Variants in SGK1 observed in about 807,000 individuals in gnomAD.
SGK1 encodes the protein serine/threonine-protein kinase Sgk1.
Under a neutral mutation model 64.2 loss-of-function variants are expected in SGK1, and 26 were observed. The observed-to-expected ratio is 0.40, with a 90% CI of 0.30 to 0.56. The LOEUF (loss-of-function observed/expected upper bound fraction) is 0.56. SGK1 is among the 20% of genes least tolerant of loss of function. SGK1 has a pLI of 0.38. For missense variants in SGK1, 519 were observed against 645.6 expected (o/e 0.80, Z 2.12); for synonymous variants, 265 against 239.7 (o/e 1.11, Z -0.98).
intron 1 of SGK1, chr6:134,297,987 A>G: frequency 2.4e-6 from 2 of 819,948 alleles, no homozygotes; most frequent in South Asian, 2.7e-5. Flanking sequence ...GTCCATGGAC[A>G]GCATCACAGA....
At chr6:134,218,436 T>C (rs1776023263) in intron 2 of SGK1, among the ~76,000 whole-genome samples, 2 of 91,254 alleles carry the variant, frequency 2.2e-5, no homozygotes, top group East Asian at 5.3e-4. Context: ...TTTCTTTTTT[T>C]CTTTTTTTTT....
chr6:134,275,994 CTGAGA>C (rs1281112643), intron 1 of SGK1, among the ~76,000 whole-genome samples: 1 of 152,144 alleles, frequency 6.6e-6, no homozygotes, highest in African/African-American at 2.4e-5. Flanking sequence ...TTCATAAGGA[CTGAGA>C]TATTATTTTC....
intron 1 of SGK1, among the ~76,000 whole-genome samples, chr6:134,289,168 C>A (rs1164509249): frequency 2.0e-5 from 3 of 152,196 alleles, no homozygotes; most frequent in East Asian, 3.8e-4. Context: ...ATACCTTTAG[C>A]CTTCATAGGG....
intron 2 of SGK1, among the ~76,000 whole-genome samples, chr6:134,221,804 C>T (rs954273824): frequency 6.6e-6 from 1 of 151,964 alleles, no homozygotes; most frequent in Non-Finnish European, 1.5e-5. Flanking sequence ...AGGTGTGGGC[C>T]ACCACACCTG....
intron 1 of SGK1, among the ~76,000 whole-genome samples, chr6:134,295,073 AT>A (rs200892107): frequency 0.024 from 3,669 of 150,880 alleles, 66 homozygotes; most frequent in East Asian, 0.077. Flanking sequence ...TGAATATGTA[AT>A]TTTTTTTTTC....
chr6:134,210,322 G>A (rs575238579), intron 2 of SGK1, among the ~76,000 whole-genome samples: 2 of 152,266 alleles, frequency 1.3e-5, no homozygotes, highest in South Asian at 2.1e-4. Flanking sequence ...AATATTGCAC[G>A]ATTCCGCTTA....
intron 1 of SGK1, chr6:134,298,291 A>T: frequency 6.4e-7 from 1 of 1,559,292 alleles, no homozygotes; most frequent in Non-Finnish European, 8.8e-7. Context: ...CATGTTGTCC[A>T]TGTTGCTCCA....
At chr6:134,180,514 G>T (rs1023179014) in intron 3 of SGK1, among the ~76,000 whole-genome samples, 2 of 152,122 alleles carry the variant, frequency 1.3e-5, no homozygotes, top group African/African-American at 4.8e-5. Context: ...TGATACATTG[G>T]TCTGGACAGA....
chr6:134,218,498 C>T (rs35560721), intron 2 of SGK1, among the ~76,000 whole-genome samples: 44,730 of 141,334 alleles, frequency 0.32, 8,696 homozygotes, highest in South Asian at 0.44. Flanking sequence ...CAGTGGTGAT[C>T]TTGGCTCACT....
intron 1 of SGK1, chr6:134,297,311 C>T: frequency 8.1e-7 from 1 of 1,234,582 alleles, no homozygotes. Context: ...GGTACACACG[C>T]AGCTATCGCG....
chr6:134,204,139 A>G lies in SGK1; in HGVS notation c.361+3217T>C, dbSNP rs183505373. On this transcript the variant is annotated intron_variant, in intron 3 of 13. Coordinates refer to ENST00000367858, the MANE Select transcript of SGK1 (RefSeq NM_001143676.3). ...AATACATAAAGCAAAAATTGACTGA[A>G]TTAAAAGAACCAAAAGACAATTCTA... 1.1e-3 allele frequency among the ~76,000 whole-genome samples: 160 copies of G among 152,032 alleles called. 1 individual carries two copies. Among genetic ancestry groups the G allele is most frequent in the African/African-American group, 3.7e-3 (154 of 41,500 alleles).
chr6:134,174,197 G>A, intron 4 of SGK1, 117 bp from the exon 5 acceptor site: 1 of 706,544 alleles, frequency 1.4e-6, no homozygotes, highest in South Asian at 1.8e-5. Flanking sequence ...TGTTTAAACT[G>A]AAAATACCCC....
chr6:134,239,653 T>C (rs1371909023), intron 2 of SGK1, among the ~76,000 whole-genome samples: 1 of 152,276 alleles, frequency 6.6e-6, no homozygotes, highest in South Asian at 2.1e-4. Flanking sequence ...ACAGCAGACA[T>C]TTGAAGGTGG....
chr6:134,174,352 T>A lies in SGK1; in HGVS notation c.437+159A>T, dbSNP rs190524673. ...TCAAGCCAAATCAGCAAATTAACTT[T>A]AATGTTTAAAATGTGTCAAATATAT... On this transcript the variant is annotated intron_variant, in intron 4 of 13. Transcript: ENST00000367858. 5.5e-3 allele frequency: 3,445 copies of A among 630,968 alleles called. 16 individuals are homozygous for A. The highest frequency in any genetic ancestry group is 9.4e-3 in the Middle Eastern group (22 of 2,340). The allele number at this position is 630,968 out of a possible 1,614,324, so 39.1% of individuals were successfully genotyped here. A position where few individuals can be genotyped will look rare whatever the true frequency, so the allele number is the denominator to read the frequency against.
chr6:134,277,187 T>G (rs1173924151), intron 1 of SGK1, among the ~76,000 whole-genome samples: 1 of 152,018 alleles, frequency 6.6e-6, no homozygotes, highest in African/African-American at 2.4e-5. Flanking sequence ...GCTGGTGTGG[T>G]AGTGGGTGCC....
chr6:134,177,701 CG>C, intron 3 of SGK1: 4 of 1,613,936 alleles, frequency 2.5e-6, no homozygotes, highest in Non-Finnish European at 3.4e-6. Context: ...TTTCATTCTT[CG>C]GGTTGCCCAA....
chr6:134,173,030 C>A lies in SGK1; in HGVS notation c.827G>T (p.Gly276Val), dbSNP rs369277962. ...TCTATCCCCCCTGCTCACCTCTCCA[C>A]CATTAATGTAGTCTAGGACAAAGTA... ...KLYFVLDYIN[G>V]GELFYHLQRE... The change falls in exon 8 of 14, where the codon GGT becomes GTT. Residue 276 changes from glycine to valine, a missense_variant. Gly to Val is a moderately radical substitution (Grantham distance 109). This residue lies in a region of SGK1 where 278 missense variants were observed against 408.7 expected (regional missense o/e 0.68). Coordinates refer to ENST00000367858, the MANE Select transcript of SGK1 (RefSeq NM_001143676.3). The A allele has an allele frequency of 6.2e-7, 1 of 1,613,148 alleles. No individual in the cohort carries two copies. The highest frequency in any genetic ancestry group is 8.5e-7 in the Non-Finnish European group (1 of 1,179,380).
intron 2 of SGK1, among the ~76,000 whole-genome samples, chr6:134,219,429 C>T (rs2114699881): frequency 6.6e-6 from 1 of 152,226 alleles, no homozygotes; most frequent in South Asian, 2.1e-4. Context: ...AGATTCTATG[C>T]CAGGCCAAGA....
At chr6:134,198,249 C>A (rs1775626858) in intron 3 of SGK1, among the ~76,000 whole-genome samples, 1 of 152,016 alleles carries the variant, frequency 6.6e-6, no homozygotes, top group South Asian at 2.1e-4. Flanking sequence ...GTTAGTCAAC[C>A]CACAGGATTT....
Sources: allele counts gnomAD v4.1 joint callset (sites outside exome capture counted in the v4.1 genomes callset), GRCh38; gene constraint gnomAD v4.1.1; regional missense constraint gnomAD v4.1.1; transcripts MANE v1.5; gene names NCBI Gene and HGNC (gene_info 2026-07-23, HGNC 2026-07-21).